The following EEPD1 variants were observed in gnomAD, a reference collection of about 807,000 sequenced individuals.
EEPD1 encodes endonuclease/exonuclease/phosphatase family domain containing 1.
Under a neutral mutation model 46.3 loss-of-function variants are expected in EEPD1, and 17 were observed. The observed-to-expected ratio is 0.37, with a 90% CI of 0.25 to 0.55. EEPD1 has a LOEUF of 0.55. Among genes scored for constraint, EEPD1 ranks in the 20% least tolerant of loss-of-function variants. The probability of loss-of-function intolerance (pLI) is 0.83; values close to 1 mark genes in which losing one functional copy is unlikely to be tolerated. For synonymous variants in EEPD1, 313 were observed against 315.6 expected (o/e 0.99, Z 0.09); for missense variants, 673 against 745.6 (o/e 0.90, Z 1.13).
intron 2 of EEPD1, among the ~76,000 whole-genome samples, chr7:36,227,428 A>G (rs78209921): frequency 6.6e-6 from 1 of 152,294 alleles, no homozygotes; most frequent in African/African-American, 2.4e-5. Context: ...AACGCTGTCA[A>G]GGACATATTT....
chr7:36,251,472 G>A (rs1248229397), intron 3 of EEPD1, among the ~76,000 whole-genome samples: 1 of 152,144 alleles, frequency 6.6e-6, no homozygotes, highest in Non-Finnish European at 1.5e-5. Context: ...CATCTTGCCT[G>A]CCTAATTTTG....
At chr7:36,294,652 G>A (rs929538486) in intron 6 of EEPD1, among the ~76,000 whole-genome samples, 4 of 152,092 alleles carry the variant, frequency 2.6e-5, no homozygotes, top group African/African-American at 9.7e-5. Context: ...GTGTGCTTCA[G>A]TTTGGTCATA....
chr7:36,213,390 G>T (rs1306947141), intron 2 of EEPD1, among the ~76,000 whole-genome samples: 5 of 152,188 alleles, frequency 3.3e-5, no homozygotes, highest in Non-Finnish European at 7.3e-5. Context: ...TGCTTGGAAA[G>T]TCTCATTTAC....
At chr7:36,186,512 A>G (rs1785362110) in intron 2 of EEPD1, among the ~76,000 whole-genome samples, 1 of 152,232 alleles carries the variant, frequency 6.6e-6, no homozygotes, top group African/African-American at 2.4e-5. Context: ...ATTCAAGGAC[A>G]GCAAAAATGC....
At chr7:36,284,851 ATCTGCT>A (rs1656833054) in intron 5 of EEPD1, 31 bp downstream of exon 5, 3 of 1,437,254 alleles carry the variant, frequency 2.1e-6, no homozygotes, top group Non-Finnish European at 2.8e-6. Context: ...GTGACGTGGA[ATCTGCT>A]TCTTTCTAAA....
chr7:36,231,929 A>C (rs1376528444), intron 2 of EEPD1, among the ~76,000 whole-genome samples: 2 of 152,232 alleles, frequency 1.3e-5, no homozygotes, highest in East Asian at 3.8e-4. Flanking sequence ...AGGGTTTCCA[A>C]TAAGGTTAGA....
At chr7:36,295,706 T>C (rs1787511740) in intron 6 of EEPD1, among the ~76,000 whole-genome samples, 1 of 152,146 alleles carries the variant, frequency 6.6e-6, no homozygotes, top group Non-Finnish European at 1.5e-5. Context: ...ACAATGGCCA[T>C]AGTTTTTCAT....
chr7:36,173,980 G>A (rs1200853247), intron 2 of EEPD1, among the ~76,000 whole-genome samples: 2 of 152,182 alleles, frequency 1.3e-5, no homozygotes, highest in Non-Finnish European at 2.9e-5. Flanking sequence ...GAGAGCCAGT[G>A]GCACCAAAAG....
chr7:36,256,315 G>A (rs1387442557), intron 3 of EEPD1, among the ~76,000 whole-genome samples: 2 of 152,212 alleles, frequency 1.3e-5, no homozygotes, highest in Admixed American at 1.3e-4. Context: ...GGGGTGGAGA[G>A]TTTTGTAGAT....
At chr7:36,182,344 C>T (rs1031129239) in intron 2 of EEPD1, among the ~76,000 whole-genome samples, 2 of 152,150 alleles carry the variant, frequency 1.3e-5, no homozygotes, top group Admixed American at 1.3e-4. Context: ...AGAGATCCTG[C>T]GTAGACACCA....
intron 2 of EEPD1, among the ~76,000 whole-genome samples, chr7:36,206,456 A>G (rs755298435): frequency 3.3e-5 from 5 of 151,922 alleles, no homozygotes; most frequent in African/African-American, 4.8e-5. Context: ...CAACATCTCA[A>G]CTCAGATCTG....
At chr7:36,268,614 G>A (rs1479517580) in intron 3 of EEPD1, among the ~76,000 whole-genome samples, 2 of 152,152 alleles carry the variant, frequency 1.3e-5, no homozygotes, top group Admixed American at 1.3e-4. Flanking sequence ...GGCCCCAACC[G>A]TGATTCTTGC....
intron 2 of EEPD1, among the ~76,000 whole-genome samples, chr7:36,184,635 G>T (rs1487813580): frequency 5.3e-5 from 8 of 152,172 alleles, no homozygotes; most frequent in Non-Finnish European, 7.4e-5. Flanking sequence ...TAACTAGGCA[G>T]TAGACTGTTG....
At chr7:36,245,265 T>C (rs1371227268) in intron 3 of EEPD1, among the ~76,000 whole-genome samples, 2 of 152,110 alleles carry the variant, frequency 1.3e-5, no homozygotes, top group African/African-American at 2.4e-5. Context: ...TGATTCTTGA[T>C]CACATTGTGA....
chr7:36,188,770 G>C (rs1246502565), intron 2 of EEPD1, among the ~76,000 whole-genome samples: 1 of 151,972 alleles, frequency 6.6e-6, no homozygotes, highest in Non-Finnish European at 1.5e-5. Context: ...AAAAAATTGA[G>C]CTCTGAACTA....
At chr7:36,212,507 C>T (rs7802978) in intron 2 of EEPD1, among the ~76,000 whole-genome samples, 111,781 of 132,302 alleles carry the variant, frequency 0.84, 48,185 homozygotes, top group Non-Finnish European at 0.91. Flanking sequence ...CACCAGAATA[C>T]AATATAACCA....
intron 2 of EEPD1, among the ~76,000 whole-genome samples, chr7:36,237,527 C>T (rs1466812169): frequency 6.6e-6 from 1 of 152,186 alleles, no homozygotes; most frequent in Non-Finnish European, 1.5e-5. Context: ...CTGGTAAGCA[C>T]CATTCTGTTA....
chr7:36,277,283 G>A (rs1178705250), intron 3 of EEPD1, among the ~76,000 whole-genome samples: 3 of 152,186 alleles, frequency 2.0e-5, no homozygotes, highest in Non-Finnish European at 4.4e-5. Flanking sequence ...ATTTGAACTT[G>A]AGCTTGGGCT....
intron 3 of EEPD1, among the ~76,000 whole-genome samples, chr7:36,243,835 G>A (rs929669421): frequency 1.3e-5 from 2 of 149,762 alleles, no homozygotes; most frequent in Non-Finnish European, 3.0e-5. Flanking sequence ...CTCATAGATG[G>A]GAATTGAACA....
Sources: allele counts gnomAD v4.1 joint callset (sites outside exome capture counted in the v4.1 genomes callset), GRCh38; gene constraint gnomAD v4.1.1; transcripts MANE v1.5; gene names NCBI Gene and HGNC (gene_info 2026-07-23, HGNC 2026-07-21).